The following CUX1 variants were observed in gnomAD, a reference collection of about 807,000 sequenced individuals.
The protein encoded by CUX1 is protein CASP.
Under a neutral mutation model 158.8 loss-of-function variants are expected in CUX1, and 31 were observed. That is an observed-to-expected ratio of 0.20 (90% confidence interval 0.15 to 0.26). The LOEUF (loss-of-function observed/expected upper bound fraction) is 0.26, where lower values mean the gene tolerates loss of function less well. CUX1 is among the 10% of genes least tolerant of loss of function. The pLI is 1.00. For missense variants in CUX1, 1,589 were observed against 2,014.6 expected, an observed-to-expected ratio of 0.79 and a Z score of 4.04; for synonymous variants, 879 against 862.1, an observed-to-expected ratio of 1.02 and a Z score of -0.34.
chr7:102,019,364 A>G (rs1819068630), intron 2 of CUX1, among the ~76,000 whole-genome samples: 1 of 151,078 alleles, frequency 6.6e-6, no homozygotes, highest in African/African-American at 2.5e-5. Flanking sequence ...AGCTGGGATT[A>G]AAGGCACATG....
In CUX1 at chr7:102,215,696, G is replaced by C. The variant is rs367884767; in HGVS notation, c.3130+10526G>C. Among the ~76,000 whole-genome samples the C allele has an allele frequency of 2.1e-4, 32 of 152,242 alleles. 2 individuals carry two copies. The East Asian group carries it at 2.1e-3, about 10-fold the overall frequency. On this transcript the variant is annotated intron_variant, in intron 20 of 23. Coordinates refer to ENST00000292535, the MANE Select transcript of CUX1 (RefSeq NM_181552.4). Reference sequence around the variant, plus strand: ...GAAAATCTCAACTTGGTTCTGCCCGGGTCTTTGTAGGGCCAAGTGAGTTCA... The same window carrying C: ...GAAAATCTCAACTTGGTTCTGCCCGCGTCTTTGTAGGGCCAAGTGAGTTCA...
At chr7:102,007,131 G>A (rs776140408) in intron 2 of CUX1, among the ~76,000 whole-genome samples, 3 of 152,146 alleles carry the variant, frequency 2.0e-5, no homozygotes, top group African/African-American at 7.2e-5. Flanking sequence ...TATTTTGTTT[G>A]TATTTCATTT....
chr7:102,053,802 CTTTTTTTTT>C (rs750818355), intron 3 of CUX1, among the ~76,000 whole-genome samples: 1 of 119,880 alleles, frequency 8.3e-6, no homozygotes, highest in Non-Finnish European at 1.7e-5. Context: ...TGTCTTCTCA[CTTTTTTTTT>C]TTTTTTTTTT....
chr7:101,963,630 ACCT>A (rs1399841079), intron 2 of CUX1, among the ~76,000 whole-genome samples: 5 of 152,124 alleles, frequency 3.3e-5, no homozygotes, highest in African/African-American at 1.2e-4. Context: ...ATTACTTAGT[ACCT>A]GTCAACACAA....
intron 8 of CUX1, among the ~76,000 whole-genome samples, chr7:102,151,820 T>G (rs570312790): frequency 2.7e-5 from 4 of 148,894 alleles, no homozygotes; most frequent in Non-Finnish European, 4.4e-5. Flanking sequence ...CAAACACTGA[T>G]GGCCACACTC....
chr7:101,903,668 C>A lies in CUX1; in HGVS notation c.31-12447C>A, dbSNP rs115385222. Among the ~76,000 whole-genome samples the A allele has an allele frequency of 1.7e-4, 26 of 152,288 alleles. No homozygotes were observed. The South Asian group carries it at 5.4e-3, about 32-fold the overall frequency. ...ACAGAGCCGGCCACGTGGCCTGCCC[C>A]GGCACCTGCTCCGCCTTACATGTCA... On this transcript the variant is annotated intron_variant, in intron 1 of 23. Coordinates refer to ENST00000292535, the MANE Select transcript of CUX1 (RefSeq NM_181552.4).
At chr7:102,009,006 C>T (rs775861923) in intron 2 of CUX1, among the ~76,000 whole-genome samples, 5 of 152,098 alleles carry the variant, frequency 3.3e-5, no homozygotes, top group South Asian at 2.1e-4. Flanking sequence ...CCCTCGGCCC[C>T]GCGTGCTCCA....
Position 101,978,275 on chromosome 7 carries a change from AC to A in CUX1, c.142-49819del, listed in dbSNP as rs1193339986. ...ACATGGCTTCAAAAGAGAACTGTTG[AC>A]CCCTCCCACACACACCGCCTGCACC... On this transcript the variant is annotated intron_variant, in intron 2 of 23. Transcript: ENST00000292535. Among the ~76,000 whole-genome samples the A allele has an allele frequency of 3.3e-5, 5 of 152,018 alleles. No homozygotes were observed. In the East Asian group the frequency reaches 9.7e-4, roughly 29 times the overall value.
chr7:101,829,330 A>G (rs1425124083), intron 1 of CUX1, among the ~76,000 whole-genome samples: 1 of 151,904 alleles, frequency 6.6e-6, no homozygotes, highest in Non-Finnish European at 1.5e-5. Context: ...GAGCTTTTCT[A>G]TTTTTGTTTT....
intron 9 of CUX1, among the ~76,000 whole-genome samples, chr7:102,168,928 C>CTTT (rs1343334279): frequency 7.6e-4 from 26 of 34,060 alleles, no homozygotes; most frequent in South Asian, 2.1e-3. Context: ...CTTTTCTTTT[C>CTTT]TTTTATTTTC....
intron 1 of CUX1, among the ~76,000 whole-genome samples, chr7:101,839,500 G>A (rs1008533509): frequency 1.3e-5 from 2 of 152,160 alleles, no homozygotes; most frequent in African/African-American, 4.8e-5. Context: ...AATCTCATCC[G>A]TGCTTTGTGG....
intron 5 of CUX1, among the ~76,000 whole-genome samples, chr7:102,099,990 C>T (rs567578864): frequency 1.3e-5 from 2 of 152,046 alleles, no homozygotes; most frequent in Non-Finnish European, 2.9e-5. Flanking sequence ...GATTTAAGAA[C>T]AGCTCCAGGC....
chr7:102,279,256 G>T (rs1321342135), intron 18 of CUX1, among the ~76,000 whole-genome samples: 1 of 152,114 alleles, frequency 6.6e-6, no homozygotes, highest in Non-Finnish European at 1.5e-5. Context: ...CAGGAGAATC[G>T]CTTGAACCTG....
rs10667965 is a variant in CUX1 at position 101,958,844 on chromosome 7, CTTTTTTTTTT to C, written c.141+42638_141+42647del. Among the ~76,000 whole-genome samples, 8 of 65,822 alleles carry C rather than the reference CTTTTTTTTTT, an allele frequency of 1.2e-4. No homozygotes were observed. The South Asian group carries it at 2.2e-3, about 18-fold the overall frequency. 43.2% of individuals were successfully genotyped at this position (65,822 alleles called of 152,430 possible). ...TTTTCTGTCATAAGGAGATGATGCCCTTTTTTTTTTTTTTTTTTTTTTTTTTTTAAGAGAC... is the reference window on the plus strand; with the variant it reads ...TTTTCTGTCATAAGGAGATGATGCCCTTTTTTTTTTTTTTTTTTAAGAGAC... On this transcript the variant is annotated intron_variant, in intron 2 of 23. Transcript: ENST00000292535.
chr7:101,949,568 T>TC, intron 2 of CUX1, among the ~76,000 whole-genome samples: 1 of 150,430 alleles, frequency 6.6e-6, no homozygotes. Context: ...TCTCACTCTG[T>TC]CGCCCAGGCT....
At chr7:102,117,397 CAAAAAAAAA>C (rs10633602) in intron 8 of CUX1, among the ~76,000 whole-genome samples, 2 of 46,674 alleles carry the variant, frequency 4.3e-5, no homozygotes, top group South Asian at 1.3e-3. Flanking sequence ...GACTCCATCG[CAAAAAAAAA>C]AAAAAAAAAA....
At chr7:102,046,569 ATTTTTTTTTT>A (rs55753644) in intron 3 of CUX1, among the ~76,000 whole-genome samples, 3 of 55,478 alleles carry the variant, frequency 5.4e-5, no homozygotes, top group South Asian at 1.4e-3. Context: ...TTTGGTTTGG[ATTTTTTTTTT>A]TTTTTTTTTT....
At chr7:101,830,384 A>G (rs1184282256) in intron 1 of CUX1, among the ~76,000 whole-genome samples, 1 of 152,174 alleles carries the variant, frequency 6.6e-6, no homozygotes, top group Non-Finnish European at 1.5e-5. Context: ...CATCCCTGAG[A>G]TCTTAGCTTC....
At chr7:101,983,727 C>A (rs2129222125) in intron 2 of CUX1, among the ~76,000 whole-genome samples, 1 of 152,110 alleles carries the variant, frequency 6.6e-6, no homozygotes, top group African/African-American at 2.4e-5. Flanking sequence ...TTTTAAACAA[C>A]CAGATCTCAC....
Sources: allele counts gnomAD v4.1 joint callset (sites outside exome capture counted in the v4.1 genomes callset), GRCh38; gene constraint gnomAD v4.1.1; transcripts MANE v1.5; gene names NCBI Gene and HGNC (gene_info 2026-07-23, HGNC 2026-07-21).